SLC30A8: variants seen among roughly 807,000 people sequenced by gnomAD.
The protein encoded by SLC30A8 is solute carrier family 30 member 8.
In SLC30A8, 27 loss-of-function variants were observed where a neutral mutation model predicts 36.9. The ratio of observed to expected loss-of-function variants is 0.73; its 90% CI spans 0.54 to 1.01. SLC30A8 has a LOEUF of 1.01. SLC30A8 is among the 50% of genes least tolerant of loss of function. The probability of loss-of-function intolerance (pLI) is 0.00; values close to 1 mark genes in which losing one functional copy is unlikely to be tolerated. For missense variants in SLC30A8, 439 were observed against 452.0 expected (o/e 0.97, Z 0.26); for synonymous variants, 164 against 172.4 (o/e 0.95, Z 0.38).
chr8:117,010,642 A>G (rs1271791255), intron 1 of SLC30A8, among the ~76,000 whole-genome samples: 1 of 152,210 alleles, frequency 6.6e-6, no homozygotes, highest in Non-Finnish European at 1.5e-5. Flanking sequence ...TCGCACTGCT[A>G]TAATGAAATG....
chr8:117,055,390 A>G (rs893210886), intron 2 of SLC30A8, among the ~76,000 whole-genome samples: 1 of 152,228 alleles, frequency 6.6e-6, no homozygotes, highest in Non-Finnish European at 1.5e-5. Context: ...AATTACAGCT[A>G]CTGAAGCAAA....
intron 1 of SLC30A8, among the ~76,000 whole-genome samples, chr8:116,952,767 C>A (rs1463482201): frequency 6.6e-6 from 1 of 152,166 alleles, no homozygotes. Flanking sequence ...ACTTCCAATT[C>A]TTTTACCTTC....
At chr8:117,133,597 A>T (rs958845721), upstream of SLC30A8, among the ~76,000 whole-genome samples, 1 of 151,876 alleles carries the variant, frequency 6.6e-6, no homozygotes, top group Non-Finnish European at 1.5e-5. Context: ...AGGCTGATTT[A>T]AAGTAGTTTC....
intron 1 of SLC30A8, among the ~76,000 whole-genome samples, chr8:116,954,422 G>T (rs1263497027): frequency 6.6e-6 from 1 of 152,184 alleles, no homozygotes; most frequent in African/African-American, 2.4e-5. Flanking sequence ...ACATCTGATG[G>T]CTGGGCAGAA....
intron 1 of SLC30A8, among the ~76,000 whole-genome samples, chr8:116,991,959 T>A (rs906400343): frequency 1.3e-5 from 2 of 152,208 alleles, no homozygotes; most frequent in Admixed American, 1.3e-4. Context: ...GTGCAGGGTC[T>A]ACATCCAACA....
chr8:117,010,345 A>T (rs1586393425), intron 1 of SLC30A8, among the ~76,000 whole-genome samples: 1 of 152,198 alleles, frequency 6.6e-6, no homozygotes, highest in African/African-American at 2.4e-5. Context: ...GCCAGCTCCC[A>T]CAGTGTCCAG....
chr8:116,963,113 G>GA (rs1199631987), intron 1 of SLC30A8, among the ~76,000 whole-genome samples: 2 of 152,042 alleles, frequency 1.3e-5, no homozygotes, highest in African/African-American at 4.8e-5. Flanking sequence ...AGGCTTGAAG[G>GA]AAAAATCTCA....
chr8:117,066,512 G>A (rs6980503), intron 2 of SLC30A8, among the ~76,000 whole-genome samples: 37,899 of 151,904 alleles, frequency 0.25, 5,674 homozygotes, highest in African/African-American at 0.43. Context: ...TTTCTCCTGA[G>A]GAATCATCCT....
chr8:117,029,015 G>GA (rs1244791196), intron 1 of SLC30A8, among the ~76,000 whole-genome samples: 4 of 151,964 alleles, frequency 2.6e-5, no homozygotes, highest in Non-Finnish European at 5.9e-5. Flanking sequence ...AAGTATTAAT[G>GA]AAAAAAATGC....
chr8:117,106,045 G>T (rs1342311799), intron 2 of SLC30A8, among the ~76,000 whole-genome samples: 3 of 152,048 alleles, frequency 2.0e-5, no homozygotes. Flanking sequence ...ACTGGTGATA[G>T]TATTGGCTTT....
At chr8:117,087,249 GA>G (rs1563586852) in intron 2 of SLC30A8, among the ~76,000 whole-genome samples, 1 of 152,180 alleles carries the variant, frequency 6.6e-6, no homozygotes, top group Non-Finnish European at 1.5e-5. Context: ...TAGGAAAAGA[GA>G]AACCATTTCA....
At chr8:116,961,995 A>G (rs528427349) in intron 1 of SLC30A8, among the ~76,000 whole-genome samples, 2 of 152,004 alleles carry the variant, frequency 1.3e-5, no homozygotes, top group East Asian at 1.9e-4. Context: ...TGGGGAACAC[A>G]TTCAAATCAC....
intron 1 of SLC30A8, among the ~76,000 whole-genome samples, chr8:116,959,095 C>T (rs796807201): frequency 7.2e-5 from 11 of 152,044 alleles, no homozygotes; most frequent in African/African-American, 2.2e-4. Flanking sequence ...GTGATCTGCC[C>T]GCCTCGGCCT....
At chr8:117,125,241 C>G (rs76851737) in intron 2 of SLC30A8, among the ~76,000 whole-genome samples, 8,484 of 151,954 alleles carry the variant, frequency 0.056, 636 homozygotes, top group African/African-American at 0.17. Flanking sequence ...TCCAAATTTG[C>G]ATATGTAGTT....
intron 1 of SLC30A8, among the ~76,000 whole-genome samples, chr8:117,002,716 T>G (rs1181942688): frequency 1.3e-5 from 2 of 152,148 alleles, no homozygotes; most frequent in East Asian, 3.9e-4. Context: ...GCAATTCTCC[T>G]GCCTCAGCCT....
At chr8:117,145,437 G>C (rs73317630) in intron 1 of SLC30A8, among the ~76,000 whole-genome samples, 15,808 of 151,644 alleles carry the variant, frequency 0.1, 1,393 homozygotes, top group African/African-American at 0.24. Context: ...TAATAATAGA[G>C]TCAGAATAAT....
intron 1 of SLC30A8, among the ~76,000 whole-genome samples, chr8:117,003,519 A>T (rs1816081742): frequency 6.6e-6 from 1 of 152,212 alleles, no homozygotes; most frequent in Admixed American, 6.5e-5. Context: ...TGAAAAGCAG[A>T]GCGGCAGAGC....
chr8:117,011,188 G>A (rs895130155), intron 1 of SLC30A8, among the ~76,000 whole-genome samples: 2 of 152,202 alleles, frequency 1.3e-5, no homozygotes, highest in African/African-American at 4.8e-5. Flanking sequence ...GGGGGAAGGG[G>A]ATGCAGATTT....
At chr8:116,952,995 C>T (rs956323958) in intron 1 of SLC30A8, among the ~76,000 whole-genome samples, 14 of 151,410 alleles carry the variant, frequency 9.2e-5, no homozygotes, top group African/African-American at 2.0e-4. Flanking sequence ...GCATAGTGCC[C>T]GGTAGTTTTT....
Sources: allele counts gnomAD v4.1 joint callset (sites outside exome capture counted in the v4.1 genomes callset), GRCh38; gene constraint gnomAD v4.1.1; transcripts MANE v1.5; gene names NCBI Gene and HGNC (gene_info 2026-07-23, HGNC 2026-07-21).